The following KIAA1549L variants were observed in gnomAD, a reference collection of about 807,000 sequenced individuals.
KIAA1549L encodes the protein UPF0606 protein KIAA1549L.
A neutral mutation model predicts 160.7 loss-of-function variants in KIAA1549L; 88 were observed. That is an observed-to-expected ratio of 0.55 (90% CI 0.46 to 0.65). KIAA1549L has a LOEUF of 0.65. Among genes scored for constraint, KIAA1549L ranks in the 30% least tolerant of loss-of-function variants. The pLI is 0.00. For synonymous variants in KIAA1549L, 950 were observed against 976.7 expected (o/e 0.97, Z 0.51); for missense variants, 2,258 against 2,437.5 (o/e 0.93, Z 1.55).
At chr11:33,448,849 C>A (rs561596099) in intron 1 of KIAA1549L, among the ~76,000 whole-genome samples, 126 of 152,176 alleles carry the variant, frequency 8.3e-4, no homozygotes, top group Non-Finnish European at 1.5e-3. Flanking sequence ...CACAGACAAC[C>A]TTTGAAAACT....
At chr11:33,486,375 A>G (rs1405703330) in intron 1 of KIAA1549L, among the ~76,000 whole-genome samples, 1 of 152,154 alleles carries the variant, frequency 6.6e-6, no homozygotes, top group Non-Finnish European at 1.5e-5. Context: ...GTCTTTTAAG[A>G]TTGATTTTGG....
chr11:33,623,818 T>C (rs766063139), intron 16 of KIAA1549L, among the ~76,000 whole-genome samples: 21 of 152,130 alleles, frequency 1.4e-4, no homozygotes, highest in Non-Finnish European at 2.2e-4. Flanking sequence ...CCCTCCCCTA[T>C]AGGCAACTTC....
At chr11:33,644,947 C>G (rs996823990) in intron 16 of KIAA1549L, among the ~76,000 whole-genome samples, 1 of 152,238 alleles carries the variant, frequency 6.6e-6, no homozygotes, top group Non-Finnish European at 1.5e-5. Flanking sequence ...CAGGCAAGCA[C>G]GAGACCGTCC....
At chr11:33,433,972 A>T (rs1851304433) in intron 1 of KIAA1549L, among the ~76,000 whole-genome samples, 1 of 151,964 alleles carries the variant, frequency 6.6e-6, no homozygotes, top group South Asian at 2.1e-4. Flanking sequence ...AACTTAGAGG[A>T]TGGGTCAATA....
chr11:33,439,167 C>T (rs1026064924), intron 1 of KIAA1549L, among the ~76,000 whole-genome samples: 2 of 152,164 alleles, frequency 1.3e-5, no homozygotes, highest in African/African-American at 4.8e-5. Flanking sequence ...CTGCCTTGGC[C>T]TCCCAAAGTG....
intron 1 of KIAA1549L, among the ~76,000 whole-genome samples, chr11:33,443,094 T>G (rs771692238): frequency 3.9e-5 from 6 of 152,230 alleles, no homozygotes; most frequent in African/African-American, 7.2e-5. Flanking sequence ...CATATTAAAC[T>G]TATTTTATAT....
chr11:33,558,396 G>C (rs1250704567), intron 6 of KIAA1549L, among the ~76,000 whole-genome samples: 1 of 152,118 alleles, frequency 6.6e-6, no homozygotes, highest in Admixed American at 6.5e-5. Context: ...CGTGAGGAGG[G>C]AGTCCTCAGC....
chr11:33,426,742 A>C (rs558465512), intron 1 of KIAA1549L, among the ~76,000 whole-genome samples: 1 of 152,334 alleles, frequency 6.6e-6, no homozygotes, highest in African/African-American at 2.4e-5. Context: ...TCATTTGCCC[A>C]AGAGCACTTG....
At chr11:33,484,497 A>G (rs1254111504) in intron 1 of KIAA1549L, among the ~76,000 whole-genome samples, 2 of 152,232 alleles carry the variant, frequency 1.3e-5, no homozygotes, top group East Asian at 3.8e-4. Flanking sequence ...TTATAGTCGG[A>G]GTGGACTTCG....
chr11:33,398,191 G>A (rs1850426008), intron 1 of KIAA1549L, among the ~76,000 whole-genome samples: 1 of 151,394 alleles, frequency 6.6e-6, no homozygotes, highest in African/African-American at 2.4e-5. Flanking sequence ...CAAAGTGCTG[G>A]GATTACAGAT....
chr11:33,558,833 T>C (rs1380916454), intron 6 of KIAA1549L, among the ~76,000 whole-genome samples: 1 of 151,688 alleles, frequency 6.6e-6, no homozygotes, highest in Non-Finnish European at 1.5e-5. Flanking sequence ...AATTCCTTTT[T>C]CTTTTCTTTT....
intron 1 of KIAA1549L, among the ~76,000 whole-genome samples, chr11:33,504,261 A>T (rs1853025987): frequency 6.9e-6 from 1 of 145,594 alleles, no homozygotes; most frequent in South Asian, 2.2e-4. Flanking sequence ...ACTCTGTCTT[A>T]AAAAAAAAAA....
chr11:33,636,721 G>A (rs1447435489), intron 16 of KIAA1549L, among the ~76,000 whole-genome samples: 1 of 152,114 alleles, frequency 6.6e-6, no homozygotes, highest in Non-Finnish European at 1.5e-5. Context: ...TTCTCACTGT[G>A]CCTAATTTAT....
At chr11:33,483,201 A>G (rs1203373817) in intron 1 of KIAA1549L, among the ~76,000 whole-genome samples, 1 of 152,114 alleles carries the variant, frequency 6.6e-6, no homozygotes, top group African/African-American at 2.4e-5. Context: ...TAATAGTGCC[A>G]TCGTTCTAGA....
At chr11:33,596,168 G>T (rs770640595) in intron 12 of KIAA1549L, among the ~76,000 whole-genome samples, 1 of 152,122 alleles carries the variant, frequency 6.6e-6, no homozygotes. Flanking sequence ...CTGCAGCCTC[G>T]CAGGTGACAC....
At chr11:33,496,953 C>T (rs1852834806) in intron 1 of KIAA1549L, among the ~76,000 whole-genome samples, 1 of 152,150 alleles carries the variant, frequency 6.6e-6, no homozygotes, top group South Asian at 2.1e-4. Flanking sequence ...CTTTCAACCT[C>T]ATTTCTACCC....
intron 1 of KIAA1549L, among the ~76,000 whole-genome samples, chr11:33,406,601 G>T (rs887492540): frequency 1.3e-5 from 2 of 152,248 alleles, no homozygotes; most frequent in African/African-American, 4.8e-5. Context: ...GCTCCCCAGA[G>T]TTGGCAGCCC....
intron 1 of KIAA1549L, among the ~76,000 whole-genome samples, chr11:33,435,818 G>GTGTGTGTGTGTGTGTGTGTGTGTGTGTA (rs1554976830): frequency 6.6e-5 from 3 of 45,320 alleles, no homozygotes; most frequent in African/African-American, 1.7e-4. Context: ...ATATGTGTGT[G>GTGTGTGTGTGTGTGTGTGTGTGTGTGTA]TATATATATA....
chr11:33,546,034 A>T (rs916748770), intron 3 of KIAA1549L, among the ~76,000 whole-genome samples: 2 of 152,210 alleles, frequency 1.3e-5, no homozygotes, highest in African/African-American at 4.8e-5. Context: ...CAAGGATGGA[A>T]TGCTGTCTTT....
Sources: allele counts gnomAD v4.1 joint callset (sites outside exome capture counted in the v4.1 genomes callset), GRCh38; gene constraint gnomAD v4.1.1; transcripts MANE v1.5; gene names NCBI Gene and HGNC (gene_info 2026-07-23, HGNC 2026-07-21).